APBB2: variants seen among roughly 807,000 people sequenced by gnomAD.
The protein encoded by APBB2 is amyloid beta precursor protein binding family B member 2.
In APBB2, 38 loss-of-function variants were observed where a neutral mutation model predicts 82.5. The ratio of observed to expected loss-of-function variants is 0.46; its 90% CI spans 0.36 to 0.60. The LOEUF (loss-of-function observed/expected upper bound fraction) is 0.60, where lower values mean the gene tolerates loss of function less well. APBB2 is among the 20% of genes least tolerant of loss of function. The pLI is 0.00. For synonymous variants in APBB2, 341 were observed against 368.2 expected (o/e 0.93, Z 0.85); for missense variants, 772 against 972.3 (o/e 0.79, Z 2.74).
intron 6 of APBB2, among the ~76,000 whole-genome samples, chr4:40,952,571 C>G (rs1300728389): frequency 1.3e-5 from 2 of 152,114 alleles, no homozygotes; most frequent in Non-Finnish European, 2.9e-5. Context: ...TAAACCAACC[C>G]CAAATGAATA....
chr4:41,033,588 A>T (rs993401725), intron 4 of APBB2, among the ~76,000 whole-genome samples: 4 of 79,238 alleles, frequency 5.0e-5, no homozygotes, highest in Non-Finnish European at 9.3e-5. Flanking sequence ...TTCTCATCAC[A>T]CACACACACA....
chr4:41,149,165 T>C (rs1396519492), intron 1 of APBB2, among the ~76,000 whole-genome samples: 2 of 152,108 alleles, frequency 1.3e-5, no homozygotes, highest in East Asian at 3.9e-4. Context: ...CCAACACTTT[T>C]TTTTCACCCC....
intron 12 of APBB2, among the ~76,000 whole-genome samples, chr4:40,838,084 G>A (rs1218325867): frequency 6.6e-6 from 1 of 151,322 alleles, no homozygotes; most frequent in East Asian, 1.9e-4. Context: ...TCACTCAATA[G>A]GGGCTTAATC....
At chr4:40,927,440 T>A (rs1432576263) in intron 10 of APBB2, among the ~76,000 whole-genome samples, 1 of 152,156 alleles carries the variant, frequency 6.6e-6, no homozygotes, top group African/African-American at 2.4e-5. Context: ...TGGGCTCTAA[T>A]GTTACTTCCA....
chr4:40,899,925 C>T (rs572746561), intron 10 of APBB2, among the ~76,000 whole-genome samples: 1 of 152,282 alleles, frequency 6.6e-6, no homozygotes, highest in Non-Finnish European at 1.5e-5. Context: ...GAAAGTCAGC[C>T]TCGGGGTACA....
At chr4:40,982,391 GAAA>G (rs1799184551) in intron 6 of APBB2, among the ~76,000 whole-genome samples, 1 of 13,798 alleles carries the variant, frequency 7.2e-5, no homozygotes. Flanking sequence ...AGGAAGGAAG[GAAA>G]GGAAAGGAAA....
chr4:40,935,202 G>GAAA (rs5857759), intron 7 of APBB2, 63 bp from the exon 8 acceptor site: 1 of 806,706 alleles, frequency 1.2e-6, no homozygotes, highest in South Asian at 2.0e-5. Flanking sequence ...GAAAAGAAAA[G>GAAA]AAAAAAAAAA....
intron 12 of APBB2, chr4:40,880,698 G>A (rs772210621): frequency 4.1e-4 from 406 of 985,266 alleles, no homozygotes; most frequent in Non-Finnish European, 4.6e-4. Flanking sequence ...CATCCAGAAA[G>A]GCCCATCCTT....
chr4:40,843,903 C>A (rs1211556651), intron 12 of APBB2, among the ~76,000 whole-genome samples: 2 of 152,206 alleles, frequency 1.3e-5, no homozygotes, highest in Non-Finnish European at 2.9e-5. Flanking sequence ...GACTCGAATT[C>A]TAGTCTTAGA....
At chr4:40,842,757 C>T (rs944316871) in intron 12 of APBB2, among the ~76,000 whole-genome samples, 2 of 152,216 alleles carry the variant, frequency 1.3e-5, no homozygotes, top group African/African-American at 4.8e-5. Context: ...ACAGAAACAA[C>T]GGCATGGACA....
chr4:40,866,321 C>A (rs1764022923), intron 12 of APBB2, among the ~76,000 whole-genome samples: 2 of 152,020 alleles, frequency 1.3e-5, no homozygotes, highest in Admixed American at 1.3e-4. Context: ...AAGCACTTTA[C>A]TTTCTTGGTG....
At chr4:41,161,173 A>C (rs1275835264) in intron 1 of APBB2, among the ~76,000 whole-genome samples, 2 of 70,614 alleles carry the variant, frequency 2.8e-5, no homozygotes, top group Non-Finnish European at 5.7e-5. Context: ...TCCCTGGCAA[A>C]AAAAAAAAAA....
At chr4:40,889,223 T>C (rs1004492312) in intron 12 of APBB2, among the ~76,000 whole-genome samples, 1 of 152,258 alleles carries the variant, frequency 6.6e-6, no homozygotes, top group Non-Finnish European at 1.5e-5. Context: ...TTGCAGACCA[T>C]TTCTCATGTC....
intron 10 of APBB2, among the ~76,000 whole-genome samples, chr4:40,905,049 T>A (rs1209700487): frequency 6.6e-6 from 1 of 152,144 alleles, no homozygotes; most frequent in East Asian, 1.9e-4. Context: ...GCAAGACACA[T>A]AACTGGAAAA....
intron 2 of APBB2, among the ~76,000 whole-genome samples, chr4:41,118,630 A>G (rs1461241469): frequency 6.6e-6 from 1 of 152,228 alleles, no homozygotes; most frequent in Non-Finnish European, 1.5e-5. Flanking sequence ...GTGATTTATT[A>G]GGCCAGCTTC....
chr4:40,863,911 A>AAAAAAAAAAAAC (rs1763406104), intron 12 of APBB2, among the ~76,000 whole-genome samples: 1 of 149,868 alleles, frequency 6.7e-6, no homozygotes, highest in Admixed American at 6.7e-5. Flanking sequence ...AAAAAAAAAA[A>AAAAAAAAAAAAC]AAAAAGCAAG....
chr4:40,827,245 G>T, intron 13 of APBB2, 26 bp from the exon 14 acceptor site: 8 of 1,608,248 alleles, frequency 5.0e-6, no homozygotes, highest in South Asian at 1.1e-5. Flanking sequence ...TGCAGCTTTG[G>T]AGCGTGGGTT....
At chr4:40,866,579 AG>A (rs1764076783) in intron 12 of APBB2, among the ~76,000 whole-genome samples, 1 of 152,202 alleles carries the variant, frequency 6.6e-6, no homozygotes, top group Admixed American at 6.5e-5. Context: ...ACAGAAACTG[AG>A]GCCGATATAA....
intron 12 of APBB2, among the ~76,000 whole-genome samples, chr4:40,872,433 C>G (rs558875821): frequency 3.9e-5 from 6 of 152,266 alleles, no homozygotes; most frequent in African/African-American, 1.2e-4. Context: ...TAGGGCTTGA[C>G]GGTCATGTTA....
Sources: gnomAD v4.1 joint callset for allele counts (sites outside exome capture counted in the v4.1 genomes callset) on GRCh38, gnomAD v4.1.1 for gene constraint, MANE v1.5 for transcripts, NCBI Gene and HGNC (gene_info 2026-07-23, HGNC 2026-07-21) for gene names.